The following ARHGAP44 variants were observed in gnomAD, a reference collection of about 807,000 sequenced individuals.
The protein encoded by ARHGAP44 is rho GTPase-activating protein 44.
Under a neutral mutation model 106.8 loss-of-function variants are expected in ARHGAP44, and 43 were observed. That is an observed-to-expected ratio of 0.40 (90% confidence interval 0.32 to 0.52). ARHGAP44 has a LOEUF of 0.52. Ranked by LOEUF, ARHGAP44 falls within the 20% of genes least tolerant of loss-of-function variation. The pLI, the probability that ARHGAP44 is intolerant of heterozygous loss-of-function variation, is 0.48. For synonymous variants in ARHGAP44, 439 were observed against 410.3 expected, an observed-to-expected ratio of 1.07 and a Z score of -0.85; for missense variants, 866 against 1,050.5, an observed-to-expected ratio of 0.82 and a Z score of 2.43.
intron 8 of ARHGAP44, among the ~76,000 whole-genome samples, chr17:12,941,515 C>G (rs1423672870): frequency 6.6e-6 from 1 of 152,102 alleles, no homozygotes; most frequent in Non-Finnish European, 1.5e-5. Context: ...GCCCCCACAC[C>G]AATGAATTAT....
At chr17:12,815,788 A>G (rs2034581394) in intron 1 of ARHGAP44, among the ~76,000 whole-genome samples, 2 of 152,210 alleles carry the variant, frequency 1.3e-5, no homozygotes, top group South Asian at 2.1e-4. Context: ...GGGGAGGTGG[A>G]ACTTGAAAGT....
At chr17:12,848,789 T>G (rs1301014306) in intron 1 of ARHGAP44, among the ~76,000 whole-genome samples, 1 of 152,190 alleles carries the variant, frequency 6.6e-6, no homozygotes, top group Admixed American at 6.5e-5. Context: ...GGCTCATGCC[T>G]GTAATCCAGC....
intron 13 of ARHGAP44, 70 bp downstream of exon 13, chr17:12,952,651 G>C: frequency 8.5e-6 from 10 of 1,176,160 alleles, no homozygotes; most frequent in Non-Finnish European, 1.2e-5. Context: ...ACAACTGCCC[G>C]GGTAAAAGTC....
intron 2 of ARHGAP44, 88 bp downstream of exon 2, chr17:12,895,067 G>T: frequency 6.1e-6 from 8 of 1,301,560 alleles, no homozygotes; most frequent in Non-Finnish European, 8.7e-6. Context: ...GGAGGTGGAG[G>T]TTGTAGTTAG....
intron 16 of ARHGAP44, among the ~76,000 whole-genome samples, chr17:12,969,732 C>A (rs1473650914): frequency 6.6e-6 from 1 of 152,206 alleles, no homozygotes; most frequent in Non-Finnish European, 1.5e-5. Flanking sequence ...CTAGACCCTA[C>A]TACAACCCAC....
At chr17:12,979,921 A>G in intron 18 of ARHGAP44, 137 bp from the exon 19 acceptor site, 1 of 906,314 alleles carries the variant, frequency 1.1e-6, no homozygotes, top group Non-Finnish European at 1.6e-6. Context: ...AGGTTTTAGG[A>G]AGGGGCCAAG....
chr17:12,987,521 T>A (rs943889884), intron 20 of ARHGAP44: 1 of 177,130 alleles, frequency 5.6e-6, no homozygotes, highest in South Asian at 1.6e-4. Context: ...TGGAGACGCT[T>A]GTGCCCAGCA....
At chr17:12,859,895 C>T (rs1048819451) in intron 1 of ARHGAP44, among the ~76,000 whole-genome samples, 16 of 152,078 alleles carry the variant, frequency 1.1e-4, no homozygotes, top group African/African-American at 3.4e-4. Context: ...AAAGTCAACA[C>T]GTGGCAGAAG....
intron 1 of ARHGAP44, among the ~76,000 whole-genome samples, chr17:12,878,030 A>C (rs1198486615): frequency 6.6e-6 from 1 of 152,238 alleles, no homozygotes; most frequent in East Asian, 1.9e-4. Context: ...CCTGGTGTTC[A>C]TCCACACCTC....
intron 1 of ARHGAP44, among the ~76,000 whole-genome samples, chr17:12,868,586 GCATTT>G: frequency 2.7e-5 from 1 of 37,308 alleles, no homozygotes; most frequent in African/African-American, 9.2e-5. Flanking sequence ...TCATATATAT[GCATTT>G]TATATATATA....
intron 1 of ARHGAP44, among the ~76,000 whole-genome samples, chr17:12,818,767 G>A (rs1266024136): frequency 6.6e-6 from 1 of 152,020 alleles, no homozygotes; most frequent in Non-Finnish European, 1.5e-5. Context: ...ACTGTTGAAA[G>A]ACATTTTAAA....
Position 12,789,602 on chromosome 17 carries a change from GC to G in ARHGAP44, c.-233del. On this transcript the variant is annotated 5_prime_UTR_variant, in exon 1 of 21. Coordinates refer to ENST00000379672, the MANE Select transcript of ARHGAP44 (RefSeq NM_014859.6). ...CGAGGACGGCCCCAGGCATTGCTCT[GC>G]CCCGGGCATTGCGCGGCGCGCGTGA... The G allele has an allele frequency of 3.3e-6, 1 of 301,138 alleles. No homozygotes were observed. The highest frequency in any genetic ancestry group is 6.1e-6 in the Non-Finnish European group (1 of 164,886). 18.7% of individuals were successfully genotyped at this position (301,138 alleles called of 1,614,324 possible).
chr17:12,820,223 G>T (rs2034725996), intron 1 of ARHGAP44, among the ~76,000 whole-genome samples: 1 of 152,048 alleles, frequency 6.6e-6, no homozygotes, highest in Admixed American at 6.6e-5. Flanking sequence ...GACTGTATTT[G>T]TAGTTTATTC....
At chr17:12,986,823 A>T in intron 20 of ARHGAP44, 1 of 349,370 alleles carries the variant, frequency 2.9e-6, no homozygotes, top group Non-Finnish European at 5.2e-6. Flanking sequence ...TAAGAAGCGG[A>T]GTGGCTCATG....
chr17:12,833,552 C>T (rs1279491277), intron 1 of ARHGAP44, among the ~76,000 whole-genome samples: 1 of 152,170 alleles, frequency 6.6e-6, no homozygotes, highest in Non-Finnish European at 1.5e-5. Flanking sequence ...TCAGTTTTCA[C>T]TTTTTCTAAC....
intron 18 of ARHGAP44, among the ~76,000 whole-genome samples, chr17:12,975,795 C>CAA (rs57364760): frequency 0.45 from 31,208 of 68,948 alleles, 7,568 homozygotes; most frequent in Non-Finnish European, 0.53. Context: ...GACTCCGTCT[C>CAA]AAAAAAAAAA....
At chr17:12,849,363 G>T (rs2035670095) in intron 1 of ARHGAP44, among the ~76,000 whole-genome samples, 1 of 151,896 alleles carries the variant, frequency 6.6e-6, no homozygotes, top group Non-Finnish European at 1.5e-5. Context: ...CAACTTTCCA[G>T]CCTGACCCGT....
At chr17:12,816,916 T>C (rs1025953526) in intron 1 of ARHGAP44, among the ~76,000 whole-genome samples, 2 of 152,192 alleles carry the variant, frequency 1.3e-5, no homozygotes, top group Admixed American at 6.5e-5. Context: ...CTGGATCTAA[T>C]TGGCATTTAT....
chr17:12,829,159 T>C (rs1016067064), intron 1 of ARHGAP44, among the ~76,000 whole-genome samples: 1 of 152,120 alleles, frequency 6.6e-6, no homozygotes, highest in Non-Finnish European at 1.5e-5. Flanking sequence ...TATTGTGTCT[T>C]GGGGGGTCCA....
Sources: allele counts gnomAD v4.1 joint callset (sites outside exome capture counted in the v4.1 genomes callset), GRCh38; gene constraint gnomAD v4.1.1; transcripts MANE v1.5; gene names NCBI Gene and HGNC (gene_info 2026-07-23, HGNC 2026-07-21).